The following USP32 variants were observed in gnomAD, a reference collection of about 807,000 sequenced individuals.
USP32 encodes ubiquitin carboxyl-terminal hydrolase 32.
In USP32, 59 loss-of-function variants were observed where a neutral mutation model predicts 204.8. That is an observed-to-expected ratio of 0.29 (90% confidence interval 0.23 to 0.36). USP32 has a LOEUF of 0.36. Ranked by LOEUF, USP32 falls within the 10% of genes least tolerant of loss-of-function variation. The probability of loss-of-function intolerance (pLI) is 1.00; values close to 1 mark genes in which losing one functional copy is unlikely to be tolerated. For missense variants in USP32, 1,160 were observed against 1,946.4 expected (o/e 0.60, Z 7.60); for synonymous variants, 517 against 678.4 (o/e 0.76, Z 3.70).
intron 12 of USP32, among the ~76,000 whole-genome samples, chr17:60,228,662 T>A (rs1421598267): frequency 2.0e-5 from 3 of 151,274 alleles, no homozygotes; most frequent in African/African-American, 7.3e-5. Flanking sequence ...TACAAAAAAA[T>A]ATTAAAAAAA....
upstream of USP32, among the ~76,000 whole-genome samples, chr17:60,393,630 A>C (rs1395358130): frequency 6.6e-6 from 1 of 152,128 alleles, no homozygotes. Context: ...TTAGTTCCTA[A>C]AACCAACAGA....
rs1245830700 is a variant in USP32, at chr17:60,403,957, C to T, written c.106+18289G>A. On this transcript the variant is annotated intron_variant, in intron 1 of 3. Transcript: ENST00000588898. ...TTGGGCAGCTGAAGTAAGAGGATTG[C>T]TTGAGCTTGGGAGTCAAGGCCGCAG... Among the ~76,000 whole-genome samples, 9 of 151,362 alleles carry T rather than the reference C, an allele frequency of 5.9e-5. 1 individual carries two copies. The East Asian group carries it at 1.7e-3, about 29-fold the overall frequency.
At chr17:60,216,625 C>A (rs1174902902) in intron 16 of USP32, among the ~76,000 whole-genome samples, 1 of 152,264 alleles carries the variant, frequency 6.6e-6, no homozygotes, top group Non-Finnish European at 1.5e-5. Context: ...ACAATGACTT[C>A]TATAGCCTTG....
chr17:60,370,919 G>A (rs1244462181), intron 1 of USP32, among the ~76,000 whole-genome samples: 5 of 151,716 alleles, frequency 3.3e-5, no homozygotes, highest in East Asian at 1.9e-4. Context: ...AACATAGCAA[G>A]ATCCCATCTC....
intron 2 of USP32, among the ~76,000 whole-genome samples, chr17:60,323,814 T>C (rs921390167): frequency 1.3e-5 from 2 of 152,206 alleles, no homozygotes; most frequent in Non-Finnish European, 2.9e-5. Context: ...TAAACCTTCA[T>C]GTGAAGTATT....
intron 12 of USP32, among the ~76,000 whole-genome samples, chr17:60,230,738 C>G (rs377398372): frequency 3.9e-5 from 6 of 152,200 alleles, no homozygotes; most frequent in African/African-American, 1.4e-4. Context: ...TTCCTACACG[C>G]TTATTTTTCT....
chr17:60,388,256 AAAGTT>A (rs1163798812), intron 1 of USP32, among the ~76,000 whole-genome samples: 1 of 150,032 alleles, frequency 6.7e-6, no homozygotes, highest in Non-Finnish European at 1.5e-5. Flanking sequence ...CTACAATTTA[AAAGTT>A]AAGAATCATT....
intron 29 of USP32, among the ~76,000 whole-genome samples, chr17:60,188,779 A>C (rs2145395142): frequency 6.6e-6 from 1 of 152,396 alleles, no homozygotes. Context: ...TATGGGCAAT[A>C]ATCCCAATTT....
In USP32 at chr17:60,178,726, T is replaced by C. The variant is rs2084027589; in HGVS notation, c.*529A>G. On this transcript the variant is annotated 3_prime_UTR_variant, in exon 34 of 34. Coordinates refer to ENST00000300896, the MANE Select transcript of USP32 (RefSeq NM_032582.4). ...GTATGGAAACAGTTTAAAAAATAAA[T>C]TGAAAAATCCTCGTCCATGCCTTAA... Among the ~76,000 whole-genome samples, 1 of 152,226 alleles carries C rather than the reference T, an allele frequency of 6.6e-6. No homozygotes were observed. The highest frequency in any genetic ancestry group is 2.4e-5 in the African/African-American group (1 of 41,456).
chr17:60,303,146 AC>A (rs1474481878), intron 2 of USP32, among the ~76,000 whole-genome samples: 4 of 152,228 alleles, frequency 2.6e-5, no homozygotes, highest in African/African-American at 9.6e-5. Context: ...GGAAATAGCT[AC>A]AGAACATTAA....
intron 9 of USP32, among the ~76,000 whole-genome samples, chr17:60,257,768 G>A (rs2086350558): frequency 6.6e-6 from 1 of 151,636 alleles, no homozygotes; most frequent in Admixed American, 6.6e-5. Flanking sequence ...ACACAGGTGA[G>A]AGCCACCACA....
At chr17:60,347,393 G>A (rs1157663986) in intron 1 of USP32, among the ~76,000 whole-genome samples, 2 of 143,254 alleles carry the variant, frequency 1.4e-5, no homozygotes, top group South Asian at 2.2e-4. Context: ...TTGCTCTGTC[G>A]CCCAGGCAGG....
At chr17:60,406,131 T>C (rs1469658459) in intron 1 of USP32, among the ~76,000 whole-genome samples, 1 of 124,964 alleles carries the variant, frequency 8.0e-6, no homozygotes, top group Non-Finnish European at 1.6e-5. Flanking sequence ...TACCCCAGCC[T>C]GGGTGACAGT....
chr17:60,383,672 CATAA>C (rs749731795), intron 1 of USP32, among the ~76,000 whole-genome samples: 77 of 152,340 alleles, frequency 5.1e-4, no homozygotes, highest in Non-Finnish European at 9.6e-4. Flanking sequence ...TGTAAAAATT[CATAA>C]ATAGTCTTTC....
At chr17:60,323,414 C>G (rs1163437350) in intron 2 of USP32, among the ~76,000 whole-genome samples, 2 of 152,036 alleles carry the variant, frequency 1.3e-5, no homozygotes, top group African/African-American at 2.4e-5. Context: ...ATAGTGAAAT[C>G]TATATAGACA....
chr17:60,337,129 C>T (rs1218920971), intron 2 of USP32, among the ~76,000 whole-genome samples: 2 of 152,160 alleles, frequency 1.3e-5, no homozygotes, highest in Admixed American at 6.6e-5. Flanking sequence ...ATACAAATCA[C>T]TATTCTGTGA....
chr17:60,232,299 A>C (rs1267563465), intron 12 of USP32, among the ~76,000 whole-genome samples: 1 of 149,826 alleles, frequency 6.7e-6, no homozygotes, highest in Non-Finnish European at 1.5e-5. Context: ...CAGCCTCCCA[A>C]GTAGCTGGAA....
chr17:60,219,574 T>A (rs2085191739), intron 16 of USP32, 96 bp downstream of exon 16: 1 of 1,257,924 alleles, frequency 7.9e-7, no homozygotes, highest in Non-Finnish European at 1.0e-6. Flanking sequence ...TTTTTTTTTT[T>A]TTTTTTTTTT....
At chr17:60,221,954 A>T (rs994737260) in intron 15 of USP32, among the ~76,000 whole-genome samples, 3 of 152,212 alleles carry the variant, frequency 2.0e-5, no homozygotes, top group Admixed American at 2.0e-4. Flanking sequence ...CTGTTATCAT[A>T]TGTTGTGATC....
Sources: gnomAD v4.1 joint callset for allele counts (sites outside exome capture counted in the v4.1 genomes callset) on GRCh38, gnomAD v4.1.1 for gene constraint, MANE v1.5 for transcripts, NCBI Gene and HGNC (gene_info 2026-07-23, HGNC 2026-07-21) for gene names.